FBXO32: variants seen among roughly 807,000 people sequenced by gnomAD.
FBXO32 encodes the protein F-box only protein 32.
FBXO32 carries 15 observed loss-of-function variants against 48.3 expected under a neutral mutation model. The observed-to-expected ratio is 0.31, with a 90% CI of 0.21 to 0.48. The LOEUF is 0.48. Among genes scored for constraint, FBXO32 ranks in the 20% least tolerant of loss-of-function variants. The pLI is 0.99. For synonymous variants in FBXO32, 154 were observed against 165.9 expected, an observed-to-expected ratio of 0.93 and a Z score of 0.55; for missense variants, 309 against 432.7, an observed-to-expected ratio of 0.71 and a Z score of 2.54.
intron 1 of FBXO32, among the ~76,000 whole-genome samples, chr8:123,538,747 A>ACTATTTG (rs1817356948): frequency 2.0e-5 from 3 of 152,180 alleles, no homozygotes. Flanking sequence ...TATATCAATG[A>ACTATTTG]CTATTTGCGG....
intron 4 of FBXO32, among the ~76,000 whole-genome samples, chr8:123,529,368 A>G (rs914040476): frequency 9.9e-5 from 15 of 152,244 alleles, no homozygotes; most frequent in African/African-American, 3.4e-4. Context: ...TTAGGGGGAA[A>G]TCAATAATTT....
chr8:123,512,540 T>C (rs1364236830), intron 6 of FBXO32, among the ~76,000 whole-genome samples: 3 of 151,284 alleles, frequency 2.0e-5, no homozygotes, highest in African/African-American at 4.9e-5. Flanking sequence ...TTTTTTTTTT[T>C]TTTTTTTTCT....
chr8:123,525,280 T>C lies in FBXO32; in HGVS notation c.372+6618A>G, dbSNP rs1817049762. Among the ~76,000 whole-genome samples the C allele has an allele frequency of 6.6e-6, 1 of 152,234 alleles. No individual in the cohort carries two copies. The highest frequency in any genetic ancestry group is 1.5e-5 in the Non-Finnish European group (1 of 68,036). On this transcript the variant is annotated intron_variant, in intron 4 of 8. Transcript: ENST00000517956. This position sits in a 1 kb window ranked among gnomAD's most constrained non-coding sequence, Gnocchi z 4.3. The stretch of plus-strand genomic sequence containing the variant: ...GAATGTGCATCAGTTTAGGTTGTGA[T>C]GCTCTGCTGCAGAGGGACAAAGAAA...
At chr8:123,538,394 G>T (rs1378574203) in intron 1 of FBXO32, among the ~76,000 whole-genome samples, 1 of 152,184 alleles carries the variant, frequency 6.6e-6, no homozygotes, top group Non-Finnish European at 1.5e-5. Context: ...TGTCTCTGTA[G>T]TTCTCTGTTT....
Position 123,536,482 on chromosome 8 carries a change from T to C in FBXO32, c.117-1668A>G, listed in dbSNP as rs148413114. On this transcript the variant is annotated intron_variant, in intron 1 of 8. Transcript: ENST00000517956. Reference sequence around the variant, plus strand: ...GGACAGAACAAAGAACAGAACTGAATTCCTGAGGCTAACTTAAGACATTTC... The same window carrying C: ...GGACAGAACAAAGAACAGAACTGAACTCCTGAGGCTAACTTAAGACATTTC... Among the ~76,000 whole-genome samples the C allele has an allele frequency of 5.6e-3, 846 of 152,296 alleles. 6 individuals are homozygous for C. Among genetic ancestry groups the C allele is most frequent in the Non-Finnish European group, 8.8e-3 (597 of 68,030 alleles).
At position 123,501,312 on chromosome 8, in the gene FBXO32, G is replaced by C. The variant is rs1009598541; in HGVS notation, c.*2061C>G. On this transcript the variant is annotated 3_prime_UTR_variant, in exon 9 of 9. Coordinates refer to ENST00000517956, the MANE Select transcript of FBXO32 (RefSeq NM_058229.4). ...AGAAGAAGTAGCTTTTTATTCAGCA[G>C]TCTAGGTCCTGCATTCCCAATGTGA... 5.3e-5 allele frequency: 8 copies of C among 150,802 alleles called. No homozygotes were observed. The highest frequency in any genetic ancestry group is 1.9e-4 in the African/African-American group (8 of 41,108). The allele number at this position is 150,802 out of a possible 1,614,324, so 9.3% of individuals were successfully genotyped here. A position where few individuals can be genotyped will look rare whatever the true frequency, so the allele number is the denominator to read the frequency against.
intron 4 of FBXO32, among the ~76,000 whole-genome samples, chr8:123,516,957 A>G (rs1020237721): frequency 2.1e-4 from 32 of 152,302 alleles, no homozygotes; most frequent in African/African-American, 7.7e-4. Context: ...AGCACGTGAC[A>G]GTCAAGAGAG....
chr8:123,522,942 G>A (rs944325150), intron 4 of FBXO32, among the ~76,000 whole-genome samples: 5 of 152,180 alleles, frequency 3.3e-5, no homozygotes, highest in African/African-American at 4.8e-5. Context: ...GGTCTGACAC[G>A]ATTCTCAAGT....
At position 123,498,707 on chromosome 8, in the gene FBXO32, G is replaced by A. The variant is rs1377523712; in HGVS notation, c.*4666C>T. On this transcript the variant is annotated 3_prime_UTR_variant, in exon 9 of 9. Coordinates refer to ENST00000517956, the MANE Select transcript of FBXO32 (RefSeq NM_058229.4). The stretch of plus-strand genomic sequence containing the variant: ...CCTGCTTCGGAATCTCAGTTTCTAG[G>A]GAGCAAGCCACTGCCCAGCCCTTCT... 6.6e-6 allele frequency: 1 copy of A among 152,108 alleles called. No individual in the cohort carries two copies. Among genetic ancestry groups the A allele is most frequent in the Non-Finnish European group, 1.5e-5 (1 of 68,042 alleles). The allele number at this position is 152,108 out of a possible 1,614,324, so 9.4% of individuals were successfully genotyped here. A position where few individuals can be genotyped will look rare whatever the true frequency, so the allele number is the denominator to read the frequency against.
At chr8:123,539,302 A>G (rs1817368544) in intron 1 of FBXO32, among the ~76,000 whole-genome samples, 1 of 152,204 alleles carries the variant, frequency 6.6e-6, no homozygotes, top group Admixed American at 6.5e-5. Context: ...ATACAGAAAT[A>G]AAGTACCAAC....
At chr8:123,531,414 C>A (rs1056431817) in intron 4 of FBXO32, among the ~76,000 whole-genome samples, 4 of 152,178 alleles carry the variant, frequency 2.6e-5, no homozygotes, top group Non-Finnish European at 5.9e-5. Context: ...TCTGAGAATG[C>A]CTTGGGGGTC....
chr8:123,525,089 A>G lies in FBXO32; in HGVS notation c.372+6809T>C, dbSNP rs79837214. ...GCATGCCCTTAATTTAAGGCATTGA[A>G]TTTAAATTTGAGTCATCGTGCCATA... On this transcript the variant is annotated intron_variant, in intron 4 of 8. Coordinates refer to ENST00000517956, the MANE Select transcript of FBXO32 (RefSeq NM_058229.4). This position sits in a 1 kb window ranked among gnomAD's most constrained non-coding sequence, Gnocchi z 4.3. Among the ~76,000 whole-genome samples the G allele has an allele frequency of 0.014, 2,163 of 152,312 alleles. 55 individuals are homozygous for G. The highest frequency in any genetic ancestry group is 0.05 in the African/African-American group (2,063 of 41,582).
Position 123,531,961 on chromosome 8 carries a change from A to G in FBXO32, c.309T>C (p.Ala103=). Residue 103 remains alanine (A), a synonymous_variant, in exon 4 of 9, where the codon GCT becomes GCC. Transcript: ENST00000517956. ...CAGTTGAGAAGTCCAGTCTGTTGAA[A>G]GCTTCCCCCAGGGTGCAATATCCAT... The part of the protein sequence containing the change: ...ERHGYCTLGE[A]FNRLDFSTAI... The G allele has an allele frequency of 6.2e-7, 1 of 1,614,166 alleles. No individual in the cohort carries two copies. The highest frequency in any genetic ancestry group is 8.5e-7 in the Non-Finnish European group (1 of 1,180,028).
chr8:123,498,953 A>G lies in FBXO32; in HGVS notation c.*4420T>C, dbSNP rs1816420939. 1.3e-5 allele frequency: 2 copies of G among 152,194 alleles called. No homozygotes were observed. The highest frequency in any genetic ancestry group is 4.8e-5 in the African/African-American group (2 of 41,440). The allele number at this position is 152,194 out of a possible 1,614,324, so 9.4% of individuals were successfully genotyped here. A position where few individuals can be genotyped will look rare whatever the true frequency, so the allele number is the denominator to read the frequency against. On this transcript the variant is annotated 3_prime_UTR_variant, in exon 9 of 9. Coordinates refer to ENST00000517956, the MANE Select transcript of FBXO32 (RefSeq NM_058229.4). ...TGGAAACGTTAACAGCCACATGCCC[A>G]ATGCTGGGCAGTCTCCCATGCCTTC... is the stretch of plus-strand genomic sequence containing the variant.
Position 123,501,276 on chromosome 8 carries a change from C to T in FBXO32, c.*2097G>A, listed in dbSNP as rs1816477302. 6.6e-6 allele frequency: 1 copy of T among 151,412 alleles called. No homozygotes were observed. Among genetic ancestry groups the T allele is most frequent in the African/African-American group, 2.4e-5 (1 of 41,224 alleles). The allele number at this position is 151,412 out of a possible 1,614,324, so 9.4% of individuals were successfully genotyped here. A position where few individuals can be genotyped will look rare whatever the true frequency, so the allele number is the denominator to read the frequency against. On this transcript the variant is annotated 3_prime_UTR_variant, in exon 9 of 9. Transcript: ENST00000517956. ...AGGAAGCTGAGAAATTGGAGAGAAC[C>T]TGACAATTATAGAAGAAGTAGCTTT... is the stretch of plus-strand genomic sequence containing the variant.
At position 123,513,257 on chromosome 8, in the gene FBXO32, A is replaced by T; in HGVS notation, c.592T>A (p.Tyr198Asn). The T allele has an allele frequency of 6.2e-7, 1 of 1,614,200 alleles. No individual in the cohort carries two copies. The highest frequency in any genetic ancestry group is 8.5e-7 in the Non-Finnish European group (1 of 1,180,036). Reference protein sequence around the residue: ...VLVGNINMWVYRMETILHWQQ... With the variant: ...VLVGNINMWVNRMETILHWQQ... ...CAGTGGAGAATCGTCTCCATCCGAT[A>T]CACCCACATGTTAATGTTCCCGACC... Residue 198 changes from tyrosine to asparagine, a missense_variant, in exon 6 of 9, where the codon TAT (tyrosine) becomes AAT (asparagine). Tyr to Asn is a moderately radical substitution (Grantham distance 143, BLOSUM62 -2). Coordinates refer to ENST00000517956, the MANE Select transcript of FBXO32 (RefSeq NM_058229.4). The surrounding 1 kb of genome is among the most constrained non-coding windows in gnomAD (Gnocchi z 4.3).
rs553481249 is a variant in FBXO32 at position 123,513,537 on chromosome 8, G to A, written c.467-155C>T. Among the ~76,000 whole-genome samples the A allele has an allele frequency of 1.3e-5, 2 of 152,296 alleles. No homozygotes were observed. Among genetic ancestry groups the A allele is most frequent in the Admixed American group, 1.3e-4 (2 of 15,304 alleles). On this transcript the variant is annotated intron_variant, in intron 5 of 8. Transcript: ENST00000517956. The surrounding 1 kb of genome is among the most constrained non-coding windows in gnomAD (Gnocchi z 4.3). Reference sequence around the variant, plus strand: ...CCTCACCAGTGTTTATTGTACGCTTGGCCAAGCTTCTGCACTTGAGGTTAA... The same window carrying A: ...CCTCACCAGTGTTTATTGTACGCTTAGCCAAGCTTCTGCACTTGAGGTTAA...
chr8:123,520,727 A>T (rs193015802), intron 4 of FBXO32, among the ~76,000 whole-genome samples: 2 of 152,260 alleles, frequency 1.3e-5, no homozygotes, highest in Admixed American at 1.3e-4. Flanking sequence ...TAGCATTCAT[A>T]GTTTTAAAAA....
chr8:123,534,337 A>G (rs1331286362), intron 2 of FBXO32, among the ~76,000 whole-genome samples: 1 of 152,230 alleles, frequency 6.6e-6, no homozygotes, highest in Non-Finnish European at 1.5e-5. Context: ...TTATACAAGG[A>G]AAGAGGGAGA....
Sources: allele counts gnomAD v4.1 joint callset (sites outside exome capture counted in the v4.1 genomes callset), GRCh38; gene constraint gnomAD v4.1.1; non-coding constraint Gnocchi (gnomAD v3.1); transcripts MANE v1.5; gene names NCBI Gene and HGNC (gene_info 2026-07-23, HGNC 2026-07-21).